HIVEP2: variants seen among roughly 807,000 people sequenced by gnomAD.
HIVEP2 encodes transcription factor HIVEP2.
HIVEP2 carries 14 observed loss-of-function variants against 180.7 expected under a neutral mutation model. The ratio of observed to expected loss-of-function variants is 0.08; its 90% CI spans 0.05 to 0.12. The LOEUF is 0.12. HIVEP2 is among the 10% of genes least tolerant of loss of function. The pLI is 1.00. For missense variants in HIVEP2, 2,579 were observed against 3,008.5 expected, an observed-to-expected ratio of 0.86 and a Z score of 3.34; for synonymous variants, 1,184 against 1,136.4, an observed-to-expected ratio of 1.04 and a Z score of -0.84.
intron 2 of HIVEP2, among the ~76,000 whole-genome samples, chr6:142,836,685 T>G (rs1775231663): frequency 6.6e-6 from 1 of 152,142 alleles, no homozygotes; most frequent in Non-Finnish European, 1.5e-5. Context: ...ATACATCAAA[T>G]AAAATAATCT....
Position 142,800,533 on chromosome 6 carries a change from G to T in HIVEP2, c.-527-16918C>A, listed in dbSNP as rs183992547. On this transcript the variant is annotated intron_variant, in intron 2 of 9. Coordinates refer to ENST00000367603, the MANE Select transcript of HIVEP2 (RefSeq NM_006734.4). ...ACTAATCACAAGTAAATTTATAAAA[G>T]AATACATTTTCTGCTTAGAGTGATA... Among the ~76,000 whole-genome samples the T allele has an allele frequency of 4.3e-3, 652 of 152,104 alleles. 1 individual carries two copies. Among genetic ancestry groups the T allele is most frequent in the Non-Finnish European group, 7.4e-3 (501 of 67,954 alleles).
chr6:142,793,659 T>TCTTTCTTTC (rs3057479), intron 2 of HIVEP2, among the ~76,000 whole-genome samples: 15,206 of 106,408 alleles, frequency 0.14, 2,036 homozygotes, highest in Non-Finnish European at 0.16. Context: ...TTTCTTTCTT[T>TCTTTCTTTC]TTTCTTTCTT....
intron 1 of HIVEP2, among the ~76,000 whole-genome samples, chr6:142,912,599 G>A (rs1045523920): frequency 3.3e-5 from 5 of 152,228 alleles, no homozygotes; most frequent in African/African-American, 1.2e-4. Context: ...GGTGAGTGGT[G>A]GGCAAGCGAG....
At chr6:142,837,862 A>G (rs569655289) in intron 1 of HIVEP2, among the ~76,000 whole-genome samples, 1 of 152,174 alleles carries the variant, frequency 6.6e-6, no homozygotes, top group East Asian at 1.9e-4. Flanking sequence ...GCTACTCCCA[A>G]ATTAGGTCTT....
At chr6:142,846,569 T>C (rs1408701942) in intron 1 of HIVEP2, among the ~76,000 whole-genome samples, 1 of 152,222 alleles carries the variant, frequency 6.6e-6, no homozygotes, top group Non-Finnish European at 1.5e-5. Context: ...AATTATAACC[T>C]GACAGTTTTA....
intron 1 of HIVEP2, among the ~76,000 whole-genome samples, chr6:142,907,955 T>G (rs1777309344): frequency 6.6e-6 from 1 of 152,220 alleles, no homozygotes; most frequent in Non-Finnish European, 1.5e-5. Context: ...CTCAAAAATC[T>G]TCCTCAGCTC....
intron 2 of HIVEP2, among the ~76,000 whole-genome samples, chr6:142,826,432 A>G (rs1380041943): frequency 6.6e-6 from 1 of 152,212 alleles, no homozygotes; most frequent in Non-Finnish European, 1.5e-5. Flanking sequence ...AGTGCTTCCA[A>G]AGGTGGAAGA....
At chr6:142,758,219 G>A (rs1451655107) in intron 9 of HIVEP2, among the ~76,000 whole-genome samples, 1 of 152,170 alleles carries the variant, frequency 6.6e-6, no homozygotes, top group Non-Finnish European at 1.5e-5. Context: ...TTATTAGCTT[G>A]CTAATTTGTT....
At position 142,770,570 on chromosome 6, in the gene HIVEP2, T is replaced by C. The variant is rs1775504512; in HGVS notation, c.4169A>G (p.Asn1390Ser). The change falls in exon 5 of 10, where the codon AAC becomes AGC. Residue 1390 changes from asparagine to serine, a missense_variant. Transcript: ENST00000367603. This position sits in a 1 kb window ranked among gnomAD's most constrained non-coding sequence, Gnocchi z 4.7. ...ATGCTGCCCCAGCACCTGGGCAATG[T>C]TGAATCCTATCCCTTGCATGGCTGC... Reference protein sequence around the residue: ...TNAAMQGIGFNIAQVLGQHAG... With the variant: ...TNAAMQGIGFSIAQVLGQHAG... 6.2e-7 allele frequency: 1 copy of C among 1,614,256 alleles called. No homozygotes were observed. Among genetic ancestry groups the C allele is most frequent in the South Asian group, 1.1e-5 (1 of 91,086 alleles).
intron 1 of HIVEP2, among the ~76,000 whole-genome samples, chr6:142,846,556 G>A (rs958358638): frequency 2.6e-5 from 4 of 152,138 alleles, no homozygotes; most frequent in African/African-American, 9.7e-5. Flanking sequence ...AGCACCACAC[G>A]TTAATTATAA....
At chr6:142,906,340 C>T (rs997870091) in intron 1 of HIVEP2, among the ~76,000 whole-genome samples, 2 of 151,712 alleles carry the variant, frequency 1.3e-5, no homozygotes, top group Non-Finnish European at 2.9e-5. Context: ...TATAAGGTAA[C>T]AAGAATTAAT....
intron 2 of HIVEP2, among the ~76,000 whole-genome samples, chr6:142,819,946 T>C (rs1776981551): frequency 6.6e-6 from 1 of 152,182 alleles, no homozygotes; most frequent in Admixed American, 6.5e-5. Context: ...GCGTGTTGTA[T>C]AGCAAAATCC....
intron 2 of HIVEP2, among the ~76,000 whole-genome samples, chr6:142,824,381 C>CA (rs761266927): frequency 2.1e-4 from 32 of 152,160 alleles, no homozygotes; most frequent in Admixed American, 1.3e-4. Flanking sequence ...TTATTCTAGT[C>CA]AAATCCACAA....
At chr6:142,941,761 T>TA (rs2128441721) in intron 1 of HIVEP2, among the ~76,000 whole-genome samples, 1 of 152,326 alleles carries the variant, frequency 6.6e-6, no homozygotes, top group East Asian at 1.9e-4. Context: ...AACAGTTAAA[T>TA]ACCAAGTTTT....
Position 142,818,780 on chromosome 6 carries a change from AGAAAGAAAG to A in HIVEP2, c.-528+18146_-528+18154del, listed in dbSNP as rs1204700034. On this transcript the variant is annotated intron_variant, in intron 2 of 9. Coordinates refer to ENST00000367603, the MANE Select transcript of HIVEP2 (RefSeq NM_006734.4). ...AAGAAAGAAAGAAAGAAAGAAAGAA[AGAAAGAAAG>A]AAAAAGAAAAGAAAAAGAAAAGAAA... is the stretch of plus-strand genomic sequence containing the variant. Among the ~76,000 whole-genome samples, 45 of 148,188 alleles carry A rather than the reference AGAAAGAAAG, an allele frequency of 3.0e-4. 1 individual carries two copies. The highest frequency in any genetic ancestry group is 9.9e-4 in the African/African-American group (39 of 39,480).
intron 2 of HIVEP2, among the ~76,000 whole-genome samples, chr6:142,835,181 C>G (rs1285791255): frequency 1.3e-5 from 2 of 152,106 alleles, no homozygotes; most frequent in Non-Finnish European, 2.9e-5. Flanking sequence ...CCTCATAGAG[C>G]CTTATGAACT....
intron 2 of HIVEP2, among the ~76,000 whole-genome samples, chr6:142,827,873 C>T (rs879840924): frequency 5.3e-5 from 8 of 152,190 alleles, no homozygotes; most frequent in Non-Finnish European, 7.3e-5. Flanking sequence ...TCTTCTGAGG[C>T]TTATATAAAC....
chr6:142,847,720 T>C (rs1375129122), intron 1 of HIVEP2, among the ~76,000 whole-genome samples: 1 of 152,206 alleles, frequency 6.6e-6, no homozygotes, highest in African/African-American at 2.4e-5. Context: ...GTGCTGAACA[T>C]TATAAAAACA....
At chr6:142,899,850 A>G (rs879836889) in intron 1 of HIVEP2, among the ~76,000 whole-genome samples, 2 of 152,164 alleles carry the variant, frequency 1.3e-5, no homozygotes, top group African/African-American at 2.4e-5. Flanking sequence ...AAGGGTGAAG[A>G]TCTGTATTTA....
Sources: gnomAD v4.1 joint callset for allele counts (sites outside exome capture counted in the v4.1 genomes callset) on GRCh38, gnomAD v4.1.1 for gene constraint, Gnocchi (gnomAD v3.1) non-coding constraint, MANE v1.5 for transcripts, NCBI Gene and HGNC (gene_info 2026-07-23, HGNC 2026-07-21) for gene names.